TERB2: variants seen among roughly 807,000 people sequenced by gnomAD.
The protein encoded by TERB2 is telomere repeats-binding bouquet formation protein 2.
In TERB2, 26 loss-of-function variants were observed where a neutral mutation model predicts 29.8. The observed-to-expected ratio is 0.87, with a 90% CI of 0.64 to 1.21. The LOEUF is 1.21. Among genes scored for constraint, TERB2 ranks in the 50% most tolerant of loss-of-function variants. The pLI is 0.00. For missense variants in TERB2, 240 were observed against 268.6 expected, an observed-to-expected ratio of 0.89 and a Z score of 0.74; for synonymous variants, 80 against 90.8, an observed-to-expected ratio of 0.88 and a Z score of 0.68.
chr15:44,961,565 A>C lies in TERB2; in HGVS notation c.329A>C (p.Gln110Pro). Residue 110 changes from glutamine to proline, a missense_variant, in exon 4 of 7, where the codon CAA becomes CCA. Physicochemically the swap from Gln to Pro is moderately conservative, Grantham distance 76 (BLOSUM62 -1). Coordinates refer to ENST00000340827, the MANE Select transcript of TERB2 (RefSeq NM_152448.3). ...GGTAGTTTTATTTGGGAACAAGACCAACATTTTCTGATAGAAAAGGTAAGA... is the reference window on the plus strand; with the variant it reads ...GGTAGTTTTATTTGGGAACAAGACCCACATTTTCTGATAGAAAAGGTAAGA... Reference protein sequence around the residue: ...KIGSFIWEQDQHFLIEKHDEV... With the variant: ...KIGSFIWEQDPHFLIEKHDEV... The C allele has an allele frequency of 6.3e-7, 1 of 1,596,878 alleles. No homozygotes were observed. Among genetic ancestry groups the C allele is most frequent in the East Asian group, 2.3e-5 (1 of 44,044 alleles).
intron 5 of TERB2, among the ~76,000 whole-genome samples, chr15:44,972,510 C>A (rs1344831076): frequency 7.3e-6 from 1 of 137,248 alleles, no homozygotes; most frequent in Non-Finnish European, 1.5e-5. Context: ...AGTTGAGATC[C>A]TTTTAGCTTT....
intron 5 of TERB2, among the ~76,000 whole-genome samples, chr15:44,966,888 T>C (rs1408280331): frequency 1.3e-5 from 2 of 152,130 alleles, no homozygotes; most frequent in Non-Finnish European, 2.9e-5. Flanking sequence ...TGCTTGAGCC[T>C]AGGAATTTGA....
In TERB2 at chr15:44,966,140, T is replaced by C; in HGVS notation, c.349-18T>C. Reference sequence around the variant, plus strand: ...GTATGACGATTTTTTAAAATGTGATTTACTTTTCTATCCACAGCATGATGA... The same window carrying C: ...GTATGACGATTTTTTAAAATGTGATCTACTTTTCTATCCACAGCATGATGA... On this transcript the variant is annotated intron_variant, in intron 4 of 6. Transcript: ENST00000340827. 1 of 1,451,474 alleles carries C rather than the reference T, an allele frequency of 6.9e-7. No homozygotes were observed. Among genetic ancestry groups the C allele is most frequent in the Admixed American group, 2.7e-5 (1 of 37,674 alleles). The allele number at this position is 1,451,474 out of a possible 1,614,324, so 89.9% of individuals were successfully genotyped here.
At chr15:44,973,380 A>G (rs1244642886) in intron 5 of TERB2, among the ~76,000 whole-genome samples, 2 of 152,174 alleles carry the variant, frequency 1.3e-5, no homozygotes, top group African/African-American at 4.8e-5. Flanking sequence ...TTTCAGGGAT[A>G]TGGAGAAAAA....
chr15:44,967,521 G>T (rs1891908848), intron 5 of TERB2, among the ~76,000 whole-genome samples: 2 of 152,226 alleles, frequency 1.3e-5, no homozygotes, highest in African/African-American at 4.8e-5. Context: ...AGGGGGTCTG[G>T]GTATGGAGTT....
chr15:44,966,275 A>C, intron 5 of TERB2, 32 bp downstream of exon 5: 1 of 1,366,018 alleles, frequency 7.3e-7, no homozygotes, highest in Non-Finnish European at 9.8e-7. Flanking sequence ...TTAATATTCA[A>C]TTCAATGTAG....
chr15:44,966,507 C>T (rs1891890953), intron 5 of TERB2, among the ~76,000 whole-genome samples: 2 of 152,046 alleles, frequency 1.3e-5, no homozygotes, highest in Admixed American at 1.3e-4. Context: ...AATACTATAC[C>T]AGGTATTTAC....
intron 3 of TERB2, 151 bp from the exon 4 acceptor site, chr15:44,961,372 T>G (rs1350411345): frequency 1.8e-6 from 1 of 556,968 alleles, no homozygotes; most frequent in Non-Finnish European, 3.2e-6. Context: ...ATGATCTGAT[T>G]CAATAGGAAT....
intron 5 of TERB2, among the ~76,000 whole-genome samples, chr15:44,967,567 G>A (rs1356907984): frequency 6.6e-6 from 1 of 152,228 alleles, no homozygotes; most frequent in Non-Finnish European, 1.5e-5. Flanking sequence ...TCAGGGCTGA[G>A]GCCAGTTTCT....
intron 5 of TERB2, among the ~76,000 whole-genome samples, chr15:44,969,611 A>C (rs1891938937): frequency 6.6e-6 from 1 of 151,212 alleles, no homozygotes; most frequent in South Asian, 2.1e-4. Flanking sequence ...CAACAGAGAG[A>C]GAGCCAGTCA....
intron 3 of TERB2, 42 bp from the exon 4 acceptor site, chr15:44,961,481 A>G (rs533568952): frequency 6.8e-7 from 1 of 1,477,672 alleles, no homozygotes; most frequent in Non-Finnish European, 9.2e-7. Flanking sequence ...ATTCTTAAAA[A>G]AAAAAACCAA....
At chr15:44,965,507 TTA>T (rs1384004102) in intron 4 of TERB2, among the ~76,000 whole-genome samples, 1 of 144,312 alleles carries the variant, frequency 6.9e-6, no homozygotes, top group Non-Finnish European at 1.5e-5. Context: ...TATATTATAT[TTA>T]TATAGATATA....
intron 3 of TERB2, 31 bp from the exon 4 acceptor site, chr15:44,961,492 A>G (rs773424048): frequency 1.3e-6 from 2 of 1,521,940 alleles, no homozygotes; most frequent in South Asian, 1.2e-5. Flanking sequence ...AAAAAACCAA[A>G]ACAGTATTGG....
intron 4 of TERB2, among the ~76,000 whole-genome samples, chr15:44,964,623 T>A (rs1891855566): frequency 6.6e-6 from 1 of 152,172 alleles, no homozygotes; most frequent in Non-Finnish European, 1.5e-5. Context: ...TCCAATGTTT[T>A]TTCTACTAAA....
chr15:44,959,555 A>T (rs1336373060), intron 3 of TERB2, among the ~76,000 whole-genome samples: 1 of 152,098 alleles, frequency 6.6e-6, no homozygotes, highest in Non-Finnish European at 1.5e-5. Flanking sequence ...TTTAATAGAC[A>T]TGGGGTTTCA....
intron 2 of TERB2, among the ~76,000 whole-genome samples, chr15:44,957,686 C>T (rs1891739732): frequency 6.6e-6 from 1 of 152,126 alleles, no homozygotes; most frequent in East Asian, 1.9e-4. Flanking sequence ...AGAGTAACTT[C>T]CTAAGCCGTT....
chr15:44,963,008 G>A (rs1354620534), intron 4 of TERB2: 1 of 152,090 alleles, frequency 6.6e-6, no homozygotes, highest in Non-Finnish European at 1.5e-5. Context: ...AAGAAAATAA[G>A]GAAGATAAGG....
chr15:44,977,098 A>AACACACACACACACACACAC lies in TERB2; in HGVS notation c.524-1373_524-1372insACACACACACACACACACAC, dbSNP rs373706136. Among the ~76,000 whole-genome samples the AACACACACACACACACACAC allele has an allele frequency of 2.2e-3, 321 of 148,876 alleles. 1 individual carries two copies. The highest frequency in any genetic ancestry group is 6.0e-3 in the East Asian group (30 of 5,036). On this transcript the variant is annotated intron_variant, in intron 6 of 6. Transcript: ENST00000340827. ...GGGCAACAAAATAAGACCCTGTCAA[A>AACACACACACACACACACAC]ACACACACACACACACACCCCAGAA...
At chr15:44,969,041 C>T (rs2141243097) in intron 5 of TERB2, among the ~76,000 whole-genome samples, 1 of 152,188 alleles carries the variant, frequency 6.6e-6, no homozygotes, top group African/African-American at 2.4e-5. Context: ...AGGCAATCCT[C>T]CCACCTCAGC....
Sources: gnomAD v4.1 joint callset for allele counts (sites outside exome capture counted in the v4.1 genomes callset) on GRCh38, gnomAD v4.1.1 for gene constraint, MANE v1.5 for transcripts, NCBI Gene and HGNC (gene_info 2026-07-23, HGNC 2026-07-21) for gene names.